Variants in SEC22A observed in about 807,000 individuals in gnomAD.
SEC22A encodes vesicle-trafficking protein SEC22a.
Under a neutral mutation model 35.3 loss-of-function variants are expected in SEC22A, and 22 were observed. That is an observed-to-expected ratio of 0.62 (90% confidence interval 0.45 to 0.89). The LOEUF is 0.89. Ranked by LOEUF, SEC22A falls within the 40% of genes least tolerant of loss-of-function variation. The pLI is 0.00. For synonymous variants in SEC22A, 119 were observed against 129.5 expected, an observed-to-expected ratio of 0.92 and a Z score of 0.55; for missense variants, 354 against 362.5, an observed-to-expected ratio of 0.98 and a Z score of 0.19.
At chr3:123,258,710 G>T (rs1011599821) in intron 5 of SEC22A, among the ~76,000 whole-genome samples, 2 of 146,576 alleles carry the variant, frequency 1.4e-5, no homozygotes, top group Admixed American at 1.4e-4. Context: ...AATTATCATT[G>T]TATAAAGAGG....
intron 5 of SEC22A, among the ~76,000 whole-genome samples, chr3:123,258,928 T>C (rs557296946): frequency 2.2e-4 from 33 of 152,342 alleles, no homozygotes; most frequent in African/African-American, 7.7e-4. Flanking sequence ...TTCAGAGACA[T>C]TCTATGCATG....
At chr3:123,227,518 A>T (rs1189068550) in intron 4 of SEC22A, among the ~76,000 whole-genome samples, 1 of 152,228 alleles carries the variant, frequency 6.6e-6, no homozygotes, top group Admixed American at 6.5e-5. Context: ...TGATGGGTTG[A>T]TGGATGTGGC....
chr3:123,236,571 T>C (rs566488325), intron 4 of SEC22A, among the ~76,000 whole-genome samples: 6 of 152,134 alleles, frequency 3.9e-5, no homozygotes, highest in Non-Finnish European at 7.4e-5. Context: ...ACCCTAGGAA[T>C]ATGGGTGAAC....
intron 2 of SEC22A, among the ~76,000 whole-genome samples, chr3:123,218,899 G>A (rs1353073988): frequency 6.6e-6 from 1 of 152,154 alleles, no homozygotes; most frequent in African/African-American, 2.4e-5. Context: ...GAGCAATACA[G>A]AAATCATCCC....
intron 4 of SEC22A, among the ~76,000 whole-genome samples, chr3:123,242,196 C>T (rs1937530133): frequency 6.6e-6 from 1 of 151,990 alleles, no homozygotes; most frequent in Non-Finnish European, 1.5e-5. Context: ...TTCTTTGACG[C>T]TCATTTAAAC....
Position 123,272,496 on chromosome 3 carries a change from A to G in SEC22A, c.*774A>G, listed in dbSNP as rs1938194938. 6.6e-6 allele frequency: 1 copy of G among 152,216 alleles called. No homozygotes were observed. Among genetic ancestry groups the G allele is most frequent in the Admixed American group, 6.5e-5 (1 of 15,290 alleles). 9.4% of individuals were successfully genotyped at this position (152,216 alleles called of 1,614,324 possible). ...TCTTAATATTTATCTTTTAAATTTT[A>G]AAGTTTTTTTAAAAAAATGAATCCT... On this transcript the variant is annotated 3_prime_UTR_variant, in exon 7 of 7. Transcript: ENST00000492595.
chr3:123,217,110 T>A (rs1454596810), intron 2 of SEC22A, among the ~76,000 whole-genome samples: 1 of 152,176 alleles, frequency 6.6e-6, no homozygotes, highest in Non-Finnish European at 1.5e-5. Flanking sequence ...ATTACAGGTG[T>A]GAGCCGCTGC....
intron 4 of SEC22A, among the ~76,000 whole-genome samples, chr3:123,232,000 AGGCTGAGGTGGATG>A (rs1937334202): frequency 6.6e-6 from 1 of 152,214 alleles, no homozygotes; most frequent in Non-Finnish European, 1.5e-5. Flanking sequence ...ACACTTTGGA[AGGCTGAGGTGGATG>A]CATCACTTGA....
At chr3:123,268,112 A>C (rs558058649) in intron 6 of SEC22A, among the ~76,000 whole-genome samples, 2 of 152,270 alleles carry the variant, frequency 1.3e-5, no homozygotes, top group East Asian at 1.9e-4. Context: ...AAGGGTTAAA[A>C]CATCTGCTTA....
intron 1 of SEC22A, among the ~76,000 whole-genome samples, chr3:123,207,127 T>C (rs976859815): frequency 6.6e-6 from 1 of 152,176 alleles, no homozygotes; most frequent in Non-Finnish European, 1.5e-5. Flanking sequence ...CAGTAACACC[T>C]AGAGATTTCT....
At chr3:123,240,105 A>G (rs1937501980) in intron 4 of SEC22A, among the ~76,000 whole-genome samples, 2 of 152,130 alleles carry the variant, frequency 1.3e-5, no homozygotes, top group African/African-American at 2.4e-5. Context: ...TGGAATGCGT[A>G]TGAAAGGTGG....
At chr3:123,258,429 A>G (rs1451775552) in intron 5 of SEC22A, among the ~76,000 whole-genome samples, 1 of 152,180 alleles carries the variant, frequency 6.6e-6, no homozygotes, top group Admixed American at 6.5e-5. Context: ...AAAGTAAAGG[A>G]CTAAAGAAAA....
chr3:123,226,164 T>A (rs914446598), intron 4 of SEC22A, among the ~76,000 whole-genome samples: 92 of 152,372 alleles, frequency 6.0e-4, no homozygotes, highest in African/African-American at 2.1e-3. Context: ...AACATGAGAA[T>A]GCAGATGTCT....
chr3:123,220,582 G>A (rs576835422), intron 2 of SEC22A, among the ~76,000 whole-genome samples: 98 of 152,120 alleles, frequency 6.4e-4, no homozygotes, highest in African/African-American at 2.3e-3. Flanking sequence ...AAAGTTTTAT[G>A]AAACAATATT....
chr3:123,205,058 AC>A (rs1001302130), intron 1 of SEC22A, among the ~76,000 whole-genome samples: 30 of 152,200 alleles, frequency 2.0e-4, no homozygotes, highest in Non-Finnish European at 3.8e-4. Flanking sequence ...TTAAAAAAAA[AC>A]AAACTATATT....
intron 4 of SEC22A, among the ~76,000 whole-genome samples, chr3:123,228,468 G>A (rs1024541668): frequency 3.3e-5 from 5 of 149,628 alleles, no homozygotes; most frequent in South Asian, 2.1e-4. Context: ...CCAGCTACAC[G>A]AGAGGCTGAG....
intron 2 of SEC22A, among the ~76,000 whole-genome samples, chr3:123,217,415 G>A (rs764866122): frequency 1.2e-4 from 18 of 151,188 alleles, no homozygotes; most frequent in Admixed American, 8.6e-4. Context: ...GGGTTTCACC[G>A]TGTTAGCCAG....
chr3:123,212,368 C>T (rs1426761092), intron 2 of SEC22A, among the ~76,000 whole-genome samples: 10 of 152,006 alleles, frequency 6.6e-5, no homozygotes, highest in Admixed American at 6.6e-4. Context: ...AGAGGAAAAA[C>T]TTGAAATATT....
chr3:123,213,378 A>T (rs186398937), intron 2 of SEC22A, among the ~76,000 whole-genome samples: 1 of 152,144 alleles, frequency 6.6e-6, no homozygotes, highest in Non-Finnish European at 1.5e-5. Flanking sequence ...TGCTAGATAA[A>T]ACTCACAGGT....
Sources: allele counts gnomAD v4.1 joint callset (sites outside exome capture counted in the v4.1 genomes callset), GRCh38; gene constraint gnomAD v4.1.1; transcripts MANE v1.5; gene names NCBI Gene and HGNC (gene_info 2026-07-23, HGNC 2026-07-21).